Variants in PIK3CG observed in about 807,000 individuals in gnomAD.
The protein encoded by PIK3CG is phosphatidylinositol 4,5-bisphosphate 3-kinase catalytic subunit gamma isoform.
Under a neutral mutation model 102.3 loss-of-function variants are expected in PIK3CG, and 55 were observed. The ratio of observed to expected loss-of-function variants is 0.54; its 90% CI spans 0.43 to 0.67. PIK3CG has a LOEUF of 0.67. Among genes scored for constraint, PIK3CG ranks in the 30% least tolerant of loss-of-function variants. The pLI is 0.00. For synonymous variants in PIK3CG, 552 were observed against 540.0 expected (o/e 1.02, Z -0.31); for missense variants, 1,258 against 1,391.8 (o/e 0.90, Z 1.53).
chr7:106,865,592 C>T (rs1300386072), intron 1 of PIK3CG, 166 bp downstream of exon 1: 5 of 152,166 alleles, frequency 3.3e-5, no homozygotes, highest in Non-Finnish European at 7.3e-5. Context: ...ATATCTACAA[C>T]GTTCCGGCAA....
chr7:106,869,270 A>G lies in PIK3CG; in HGVS notation c.1709A>G (p.Glu570Gly). The change falls in exon 2 of 11, where the codon GAG becomes GGG. Residue 570 changes from glutamate (E) to glycine (G), a missense_variant. By Grantham distance (98) the Glu-to-Gly change is moderately conservative. Transcript: ENST00000496166. The surrounding 1 kb of genome is among the most constrained non-coding windows in gnomAD (Gnocchi z 5.3). ...GATCCACTTAACCCTCTCACAGCAG[A>G]GGACAAAGAATTGCTCTGGCATTTT... ...ATDPLNPLTA[E>G]DKELLWHFRY... 6.2e-7 allele frequency: 1 copy of G among 1,614,254 alleles called. No homozygotes were observed. The highest frequency in any genetic ancestry group is 8.5e-7 in the Non-Finnish European group (1 of 1,180,046).
At position 106,868,029 on chromosome 7, in the gene PIK3CG, G is replaced by A. The variant is rs1790369889; in HGVS notation, c.468G>A (p.Ala156=). 3.1e-6 allele frequency: 5 copies of A among 1,612,144 alleles called. No individual in the cohort carries two copies. Among genetic ancestry groups the A allele is most frequent in the Non-Finnish European group, 4.2e-6 (5 of 1,179,076 alleles). ...ESQAFQRQLT[A]LIGYDVTDVS... ...AAGCCTTCCAGCGGCAGCTCACGGC[G>A]CTGATTGGCTATGACGTCACTGACG... Residue 156 remains alanine, a synonymous_variant, in exon 2 of 11, where the codon GCG becomes GCA. Coordinates refer to ENST00000496166, the MANE Select transcript of PIK3CG (RefSeq NM_001282426.2). This position sits in a 1 kb window ranked among gnomAD's most constrained non-coding sequence, Gnocchi z 6.2.
chr7:106,898,301 G>A (rs1190837965), intron 10 of PIK3CG, among the ~76,000 whole-genome samples: 2 of 152,164 alleles, frequency 1.3e-5, no homozygotes, highest in East Asian at 3.8e-4. Context: ...TGCATAGTTT[G>A]TAAATATTTT....
Position 106,872,423 on chromosome 7 carries a change from C to T in PIK3CG, c.1996-114C>T. ...CTTAAGTGACTGTTAAGATTTTCAT[C>T]TTTCTAGCCGTGAAGACCCAGTAAA... is the stretch of plus-strand genomic sequence containing the variant. On this transcript the variant is annotated intron_variant, in intron 2 of 10. Coordinates refer to ENST00000496166, the MANE Select transcript of PIK3CG (RefSeq NM_001282426.2). The surrounding 1 kb of genome is among the most constrained non-coding windows in gnomAD (Gnocchi z 5.3). The T allele has an allele frequency of 1.2e-6, 1 of 819,280 alleles. No homozygotes were observed. The highest frequency in any genetic ancestry group is 2.0e-6 in the Non-Finnish European group (1 of 489,130). The allele number at this position is 819,280 out of a possible 1,614,324, so 50.8% of individuals were successfully genotyped here.
rs2116616140 is a variant in PIK3CG, at chr7:106,905,019, C to G, written c.3031-90C>G. 8.8e-7 allele frequency: 1 copy of G among 1,135,040 alleles called. No homozygotes were observed. The highest frequency in any genetic ancestry group is 1.5e-5 in the South Asian group (1 of 68,502). 70.3% of individuals were successfully genotyped at this position (1,135,040 alleles called of 1,614,324 possible). The stretch of plus-strand genomic sequence containing the variant: ...GGTTTCTTCTCATGGACAGGTAACT[C>G]TATGTACATTTCAGTACATCCCTGT... On this transcript the variant is annotated intron_variant, in intron 10 of 10. Transcript: ENST00000496166. The surrounding 1 kb of genome is among the most constrained non-coding windows in gnomAD (Gnocchi z 5.6).
rs897524416 is a variant in PIK3CG, at chr7:106,885,102, G to A, written c.2872+836G>A. ...CTCACTTGCCCATCGCTCACCTCCT[G>A]CTGTGTGGCCCAGTTCCTAACAGGC... On this transcript the variant is annotated intron_variant, in intron 9 of 10. Coordinates refer to ENST00000496166, the MANE Select transcript of PIK3CG (RefSeq NM_001282426.2). Among the ~76,000 whole-genome samples the A allele has an allele frequency of 8.5e-5, 13 of 152,278 alleles. No homozygotes were observed. In the South Asian group the frequency reaches 2.1e-3, roughly 24 times the overall value.
In PIK3CG at chr7:106,867,992, C is replaced by A. The variant is rs2116427662; in HGVS notation, c.431C>A (p.Ser144Tyr). Residue 144 changes from serine (S) to tyrosine (Y), a missense_variant, in exon 2 of 11, where the codon TCC becomes TAC. This residue lies in a region of PIK3CG where 832 missense variants were observed against 787.5 expected (regional missense o/e 1.06). Transcript: ENST00000496166. This position sits in a 1 kb window ranked among gnomAD's most constrained non-coding sequence, Gnocchi z 5.1. Reference protein sequence around the residue: ...QIHLVQRHPPSEESQAFQRQL... With the variant: ...QIHLVQRHPPYEESQAFQRQL... ...CACCTGGTGCAGCGGCACCCGCCCTCCGAGGAGTCCCAAGCCTTCCAGCGG... is the reference window on the plus strand; with the variant it reads ...CACCTGGTGCAGCGGCACCCGCCCTACGAGGAGTCCCAAGCCTTCCAGCGG... 1 of 1,612,254 alleles carries A rather than the reference C, an allele frequency of 6.2e-7. No homozygotes were observed. Among genetic ancestry groups the A allele is most frequent in the African/African-American group, 1.3e-5 (1 of 75,036 alleles).
Position 106,884,269 on chromosome 7 carries a change from G to A in PIK3CG, c.2872+3G>A, listed in dbSNP as rs1206103900. 1.3e-6 allele frequency: 2 copies of A among 1,588,624 alleles called. No individual in the cohort carries two copies. The highest frequency in any genetic ancestry group is 1.7e-6 in the Non-Finnish European group (2 of 1,157,756). On this transcript the variant is annotated splice_donor_region_variant and intron_variant, in intron 9 of 10. Transcript: ENST00000496166. The surrounding 1 kb of genome is among the most constrained non-coding windows in gnomAD (Gnocchi z 4.2). The stretch of plus-strand genomic sequence containing the variant: ...CAATATTATGATCACCGAGACAGGT[G>A]AGTTTATTTAGTGCAGAATAAACTT...
Position 106,895,865 on chromosome 7 carries a change from A to C in PIK3CG, c.3031-9244A>C, listed in dbSNP as rs563263935. 8.5e-5 allele frequency among the ~76,000 whole-genome samples: 13 copies of C among 152,330 alleles called. 1 individual carries two copies. In the South Asian group the frequency reaches 2.7e-3, roughly 32 times the overall value. On this transcript the variant is annotated intron_variant, in intron 10 of 10. Transcript: ENST00000496166. The surrounding 1 kb of genome is among the most constrained non-coding windows in gnomAD (Gnocchi z 5.4). The stretch of plus-strand genomic sequence containing the variant: ...CTCCAGTGATATATAGTTTACCAGT[A>C]ATAAAGCCAAAATTAGAATTCATTC...
chr7:106,900,453 T>C (rs1791516763), intron 10 of PIK3CG, among the ~76,000 whole-genome samples: 1 of 152,200 alleles, frequency 6.6e-6, no homozygotes, highest in South Asian at 2.1e-4. Flanking sequence ...ATGAGTGTCA[T>C]TACGCATGAG....
At position 106,869,876 on chromosome 7, in the gene PIK3CG, T is replaced by A. The variant is rs1790473067; in HGVS notation, c.1995+320T>A. ...ACTGAATGCTTTCTTGTGCCAAGGC[T>A]CCAAGTGACTGACATGCTTTCAGTG... is the stretch of plus-strand genomic sequence containing the variant. On this transcript the variant is annotated intron_variant, in intron 2 of 10. Coordinates refer to ENST00000496166, the MANE Select transcript of PIK3CG (RefSeq NM_001282426.2). This position sits in a 1 kb window ranked among gnomAD's most constrained non-coding sequence, Gnocchi z 5.3. 6.6e-6 allele frequency among the ~76,000 whole-genome samples: 1 copy of A among 152,224 alleles called. No individual in the cohort carries two copies. Among genetic ancestry groups the A allele is most frequent in the Non-Finnish European group, 1.5e-5 (1 of 68,046 alleles).
chr7:106,888,239 G>T (rs576960434), intron 10 of PIK3CG, among the ~76,000 whole-genome samples: 39 of 151,870 alleles, frequency 2.6e-4, no homozygotes, highest in Non-Finnish European at 5.0e-4. Flanking sequence ...GTGCCCAGCC[G>T]ACTCTCCTTC....
At chr7:106,881,292 T>C (rs924819645) in intron 6 of PIK3CG, among the ~76,000 whole-genome samples, 1 of 152,194 alleles carries the variant, frequency 6.6e-6, no homozygotes, top group Non-Finnish European at 1.5e-5. Flanking sequence ...GCAAGTTATT[T>C]AAGCTCTTTA....
rs576993490 is a variant in PIK3CG at position 106,884,651 on chromosome 7, G to T, written c.2872+385G>T. 1.3e-5 allele frequency among the ~76,000 whole-genome samples: 2 copies of T among 152,192 alleles called. No individual in the cohort carries two copies. Among genetic ancestry groups the T allele is most frequent in the African/African-American group, 2.4e-5 (1 of 41,450 alleles). On this transcript the variant is annotated intron_variant, in intron 9 of 10. Coordinates refer to ENST00000496166, the MANE Select transcript of PIK3CG (RefSeq NM_001282426.2). The surrounding 1 kb of genome is among the most constrained non-coding windows in gnomAD (Gnocchi z 4.2). ...AGACACCTTTTCCACGGACAGGGGT[G>T]GGGGAGCAAGGATGGTTTCAGGATC...
rs150264843 is a variant in PIK3CG at position 106,898,038 on chromosome 7, G to C, written c.3031-7071G>C. Among the ~76,000 whole-genome samples the C allele has an allele frequency of 3.0e-3, 457 of 152,268 alleles. 2 individuals carry two copies. Among genetic ancestry groups the C allele is most frequent in the African/African-American group, 0.01 (432 of 41,564 alleles). ...TTCCTTTTTCTCCACAACCTCGCCA[G>C]CATCTGTTACTTTTTGACTTTTTAG... On this transcript the variant is annotated intron_variant, in intron 10 of 10. Transcript: ENST00000496166.
At position 106,868,652 on chromosome 7, in the gene PIK3CG, A is replaced by G. The variant is rs771624561; in HGVS notation, c.1091A>G (p.Lys364Arg). 6.2e-7 allele frequency: 1 copy of G among 1,614,234 alleles called. No individual in the cohort carries two copies. Among genetic ancestry groups the G allele is most frequent in the Non-Finnish European group, 8.5e-7 (1 of 1,180,058 alleles). Residue 364 changes from lysine to arginine, a missense_variant, in exon 2 of 11, where the codon AAG (lysine) becomes AGG (arginine). Physicochemically the swap from Lys to Arg is conservative, Grantham distance 26. Around this residue, in one of 2 missense-constraint regions of PIK3CG, gnomAD observed 832 missense variants for 787.5 expected, o/e 1.06. Coordinates refer to ENST00000496166, the MANE Select transcript of PIK3CG (RefSeq NM_001282426.2). This position sits in a 1 kb window ranked among gnomAD's most constrained non-coding sequence, Gnocchi z 6.2. ...GACTGCGACCGCAAGTTCAGGGTCA[A>G]GATCAGAGGCATTGATATCCCCGTC... ...LWDCDRKFRV[K>R]IRGIDIPVLP...
intron 10 of PIK3CG, among the ~76,000 whole-genome samples, chr7:106,887,489 G>T (rs1386997074): frequency 6.6e-6 from 1 of 152,122 alleles, no homozygotes; most frequent in Non-Finnish European, 1.5e-5. Context: ...ACATTGTTTT[G>T]AAACCTGTCT....
chr7:106,884,240 A>G lies in PIK3CG; in HGVS notation c.2846A>G (p.Asn949Ser), dbSNP rs1791021110. ...TFVLGIGDRHNDNIMITETGN... is the reference protein window; with the variant it reads ...TFVLGIGDRHSDNIMITETGN... ...GTTCTTGGAATAGGCGACAGACACA[A>G]TGACAATATTATGATCACCGAGACA... is the stretch of plus-strand genomic sequence containing the variant. The change falls in exon 9 of 11, where the codon AAT becomes AGT. Residue 949 changes from asparagine to serine, a missense_variant. This residue lies in a region of PIK3CG where 426 missense variants were observed against 604.2 expected (regional missense o/e 0.71). Transcript: ENST00000496166. This position sits in a 1 kb window ranked among gnomAD's most constrained non-coding sequence, Gnocchi z 4.2. 1 of 1,612,986 alleles carries G rather than the reference A, an allele frequency of 6.2e-7. No individual in the cohort carries two copies.
At chr7:106,875,760 G>T (rs1377753785) in intron 5 of PIK3CG, among the ~76,000 whole-genome samples, 2 of 152,066 alleles carry the variant, frequency 1.3e-5, no homozygotes, top group African/African-American at 4.8e-5. Context: ...TTTAACAGTG[G>T]GGTAGTTGGG....
Sources: allele counts gnomAD v4.1 joint callset (sites outside exome capture counted in the v4.1 genomes callset), GRCh38; gene constraint gnomAD v4.1.1; regional missense constraint gnomAD v4.1.1; non-coding constraint Gnocchi (gnomAD v3.1); transcripts MANE v1.5; gene names NCBI Gene and HGNC (gene_info 2026-07-23, HGNC 2026-07-21).